The following ANXA13 variants were observed in gnomAD, a reference collection of about 807,000 sequenced individuals.
The protein encoded by ANXA13 is annexin A13, also known as annexin XIII.
Under a neutral mutation model 46.6 loss-of-function variants are expected in ANXA13, and 36 were observed. The observed-to-expected ratio is 0.77, with a 90% CI of 0.59 to 1.02. The LOEUF (loss-of-function observed/expected upper bound fraction) is 1.02, where lower values mean the gene tolerates loss of function less well. Among genes scored for constraint, ANXA13 ranks in the 50% least tolerant of loss-of-function variants. The pLI is 0.00. For synonymous variants in ANXA13, 163 were observed against 152.9 expected, an observed-to-expected ratio of 1.07 and a Z score of -0.49; for missense variants, 417 against 396.5, an observed-to-expected ratio of 1.05 and a Z score of -0.44.
At chr8:123,716,809 G>A (rs114048379) in intron 1 of ANXA13, among the ~76,000 whole-genome samples, 1,565 of 152,254 alleles carry the variant, frequency 0.01, 22 homozygotes, top group African/African-American at 0.036. Context: ...ATGGGCCTCA[G>A]GCCTGTTTCC....
chr8:123,704,438 A>T (rs73331958), intron 2 of ANXA13, among the ~76,000 whole-genome samples: 2,735 of 151,450 alleles, frequency 0.018, 80 homozygotes, highest in African/African-American at 0.062. Context: ...GGGTCTGGCT[A>T]TGTCACCCAG....
intron 2 of ANXA13, among the ~76,000 whole-genome samples, chr8:123,705,607 G>A (rs1448935810): frequency 2.6e-5 from 4 of 152,210 alleles, no homozygotes; most frequent in African/African-American, 9.7e-5. Flanking sequence ...TGGGCTCTAG[G>A]GAGTGGCCAC....
intron 9 of ANXA13, among the ~76,000 whole-genome samples, chr8:123,687,927 A>C (rs1813169642): frequency 6.6e-6 from 1 of 152,210 alleles, no homozygotes; most frequent in Non-Finnish European, 1.5e-5. Flanking sequence ...TTTGGTTGGC[A>C]CAATCAGGAT....
At chr8:123,733,209 A>AATAC (rs1814161781) in intron 1 of ANXA13, among the ~76,000 whole-genome samples, 1 of 149,518 alleles carries the variant, frequency 6.7e-6, no homozygotes, top group African/African-American at 2.6e-5. Flanking sequence ...GATGATCTTA[A>AATAC]ATAAATAAAT....
At chr8:123,703,190 AC>A (rs1427760773) in intron 2 of ANXA13, among the ~76,000 whole-genome samples, 1 of 152,244 alleles carries the variant, frequency 6.6e-6, no homozygotes, top group African/African-American at 2.4e-5. Context: ...GGAATAAATT[AC>A]TGATAGATGT....
intron 3 of ANXA13, 90 bp from the exon 4 acceptor site, chr8:123,698,649 A>G: frequency 7.2e-7 from 1 of 1,382,340 alleles, no homozygotes. Context: ...CTCATAGTTG[A>G]CAAGAAAGGT....
chr8:123,722,691 T>C (rs1241577721), intron 1 of ANXA13, among the ~76,000 whole-genome samples: 2 of 152,174 alleles, frequency 1.3e-5, no homozygotes, highest in African/African-American at 2.4e-5. Flanking sequence ...CTGCCTCTCA[T>C]TTGTAAAATG....
chr8:123,725,949 A>G (rs963423295), intron 1 of ANXA13, among the ~76,000 whole-genome samples: 7 of 152,186 alleles, frequency 4.6e-5, no homozygotes, highest in Non-Finnish European at 1.0e-4. Context: ...AGAGTTGTTC[A>G]TTGCTGTTGA....
Position 123,681,292 on chromosome 8 carries a change from C to A in ANXA13, c.899G>T (p.Arg300Leu), listed in dbSNP as rs368842790. 6.2e-7 allele frequency: 1 copy of A among 1,614,126 alleles called. No individual in the cohort carries two copies. Among genetic ancestry groups the A allele is most frequent in the South Asian group, 1.1e-5 (1 of 91,070 alleles). ...KYQKSLSDMVRSDTSGDFRKL... is the reference protein window; with the variant it reads ...KYQKSLSDMVLSDTSGDFRKL... ...CCGGAAGTCCCCGGAGGTATCTGAG[C>A]GAACCATGTCAGAGAGAGACTTCTG... The change falls in exon 11 of 11, where the codon CGC becomes CTC. Residue 300 changes from arginine to leucine, a missense_variant. Arg to Leu is a moderately radical substitution (Grantham distance 102). Transcript: ENST00000419625.
chr8:123,687,724 A>G (rs1443838246), intron 9 of ANXA13, among the ~76,000 whole-genome samples: 2 of 152,222 alleles, frequency 1.3e-5, no homozygotes, highest in African/African-American at 4.8e-5. Context: ...TCCTCTTCTG[A>G]GAACAGGTCT....
chr8:123,712,610 G>A, intron 2 of ANXA13, 68 bp downstream of exon 2: 2 of 1,319,790 alleles, frequency 1.5e-6, no homozygotes, highest in East Asian at 2.3e-5. Flanking sequence ...AACATCATGG[G>A]GAAGTTGGAC....
At chr8:123,734,929 A>T (rs575039574) in intron 1 of ANXA13, among the ~76,000 whole-genome samples, 113 of 151,948 alleles carry the variant, frequency 7.4e-4, no homozygotes, top group African/African-American at 2.6e-3. Flanking sequence ...TTTAATAGAA[A>T]CACCATGTGT....
intron 1 of ANXA13, among the ~76,000 whole-genome samples, chr8:123,726,199 A>G (rs1004913224): frequency 2.6e-5 from 4 of 152,202 alleles, no homozygotes; most frequent in African/African-American, 7.2e-5. Context: ...GATTGCTTCC[A>G]TGTTGGCATT....
rs535569693 is a variant in ANXA13, at chr8:123,687,727, ACAGGTCTCTC to A, written c.718+1134_718+1143del. Among the ~76,000 whole-genome samples the A allele has an allele frequency of 2.3e-3, 355 of 152,328 alleles. 3 individuals carry two copies. Among genetic ancestry groups the A allele is most frequent in the African/African-American group, 7.9e-3 (328 of 41,564 alleles). ...TTATTTGGTTCTTCCTCTTCTGAGA[ACAGGTCTCTC>A]CATTCCTTCTGCCATTTGGGTTGGT... On this transcript the variant is annotated intron_variant, in intron 9 of 10. Coordinates refer to ENST00000419625, the MANE Select transcript of ANXA13 (RefSeq NM_004306.4).
intron 1 of ANXA13, among the ~76,000 whole-genome samples, chr8:123,729,843 C>T (rs1304323326): frequency 1.3e-5 from 2 of 152,140 alleles, no homozygotes; most frequent in African/African-American, 4.8e-5. Flanking sequence ...TACTAATTGT[C>T]CAACAAACAA....
At chr8:123,723,599 C>T (rs1228623360) in intron 1 of ANXA13, among the ~76,000 whole-genome samples, 1 of 152,196 alleles carries the variant, frequency 6.6e-6, no homozygotes, top group Non-Finnish European at 1.5e-5. Flanking sequence ...AACCTGAAAT[C>T]AGTCACAGTG....
chr8:123,702,138 A>G (rs74826503), intron 3 of ANXA13, among the ~76,000 whole-genome samples: 2,693 of 152,356 alleles, frequency 0.018, 85 homozygotes, highest in African/African-American at 0.06. Flanking sequence ...GAAATAAGAA[A>G]GCCTAATGCA....
At chr8:123,697,776 G>T (rs1254943073) in intron 4 of ANXA13, among the ~76,000 whole-genome samples, 1 of 152,206 alleles carries the variant, frequency 6.6e-6, no homozygotes, top group Middle Eastern at 3.2e-3. Context: ...TGAGTCCCTT[G>T]GTTCTCCTGG....
rs527950833 is a variant in ANXA13, at chr8:123,733,749, G to C, written c.15+3571C>G. Among the ~76,000 whole-genome samples, 16 of 152,328 alleles carry C rather than the reference G, an allele frequency of 1.1e-4. No individual in the cohort carries two copies. The East Asian group carries it at 2.9e-3, about 28-fold the overall frequency. On this transcript the variant is annotated intron_variant, in intron 1 of 10. Coordinates refer to ENST00000419625, the MANE Select transcript of ANXA13 (RefSeq NM_004306.4). ...AGTCCAGTGTTTCTCAAACTCTGCT[G>C]CACATTAGAGCCACCTGGGGAGCAC...
Sources: allele counts gnomAD v4.1 joint callset (sites outside exome capture counted in the v4.1 genomes callset), GRCh38; gene constraint gnomAD v4.1.1; transcripts MANE v1.5; gene names NCBI Gene and HGNC (gene_info 2026-07-23, HGNC 2026-07-21).